The following SHOC2 variants were observed in gnomAD, a reference collection of about 807,000 sequenced individuals.
SHOC2 encodes the protein SHOC2 leucine rich repeat scaffold protein.
Under a neutral mutation model 50.2 loss-of-function variants are expected in SHOC2, and 4 were observed. The ratio of observed to expected loss-of-function variants is 0.08; its 90% CI spans 0.04 to 0.18. The LOEUF is 0.18. SHOC2 is among the 10% of genes least tolerant of loss of function. The probability of loss-of-function intolerance (pLI) is 1.00; values close to 1 mark genes in which losing one functional copy is unlikely to be tolerated. For synonymous variants in SHOC2, 218 were observed against 244.5 expected (o/e 0.89, Z 1.01); for missense variants, 388 against 669.6 (o/e 0.58, Z 4.64).
At chr10:110,952,020 G>A (rs1389640725) in intron 1 of SHOC2, among the ~76,000 whole-genome samples, 2 of 152,040 alleles carry the variant, frequency 1.3e-5, no homozygotes, top group African/African-American at 4.8e-5. Flanking sequence ...TTTTGATTTA[G>A]GACAGACTTA....
chr10:110,990,061 A>ACATAAAAG (rs1848152620), intron 3 of SHOC2, among the ~76,000 whole-genome samples: 1 of 152,270 alleles, frequency 6.6e-6, no homozygotes, highest in Non-Finnish European at 1.5e-5. Context: ...GTGGAATGTC[A>ACATAAAAG]CATAAAAGCA....
In SHOC2 at chr10:111,001,406, C is replaced by T. The variant is rs981667438; in HGVS notation, c.972+861C>T. Among the ~76,000 whole-genome samples the T allele has an allele frequency of 6.6e-5, 10 of 152,058 alleles. 1 individual carries two copies. Among genetic ancestry groups the T allele is most frequent in the Admixed American group, 2.6e-4 (4 of 15,280 alleles). ...CTGACCTCCAGTGGTCCACCCTCCT[C>T]GGCCTCCCAAAGTGCTGAAATTACA... On this transcript the variant is annotated intron_variant, in intron 4 of 8. Coordinates refer to ENST00000369452, the MANE Select transcript of SHOC2 (RefSeq NM_007373.4).
intron 2 of SHOC2, among the ~76,000 whole-genome samples, chr10:110,977,028 C>G (rs942525933): frequency 6.6e-6 from 1 of 152,084 alleles, no homozygotes; most frequent in Non-Finnish European, 1.5e-5. Flanking sequence ...TCTTACTGTT[C>G]TATACAATGA....
At chr10:110,936,159 C>T (rs1286859758) in intron 1 of SHOC2, among the ~76,000 whole-genome samples, 14 of 148,682 alleles carry the variant, frequency 9.4e-5, no homozygotes, top group East Asian at 3.9e-4. Flanking sequence ...TGCAATGGCG[C>T]GATCTCGGCT....
At chr10:110,988,593 C>G (rs1050407882) in intron 3 of SHOC2, among the ~76,000 whole-genome samples, 1 of 152,092 alleles carries the variant, frequency 6.6e-6, no homozygotes, top group African/African-American at 2.4e-5. Context: ...TTTTCTTAAT[C>G]ATTCTGGTTA....
chr10:110,944,470 T>A (rs1341835934), intron 1 of SHOC2, among the ~76,000 whole-genome samples: 1 of 152,212 alleles, frequency 6.6e-6, no homozygotes, highest in Non-Finnish European at 1.5e-5. Context: ...TATTTGCTTT[T>A]CTTCCTGTGT....
At chr10:110,922,655 C>A (rs908796933) in intron 1 of SHOC2, among the ~76,000 whole-genome samples, 2 of 151,780 alleles carry the variant, frequency 1.3e-5, no homozygotes, top group Non-Finnish European at 2.9e-5. Context: ...ATGCTTATAA[C>A]AAAATAAGAT....
chr10:110,926,677 TAG>T (rs1435677402), intron 1 of SHOC2, among the ~76,000 whole-genome samples: 1 of 152,240 alleles, frequency 6.6e-6, no homozygotes, highest in East Asian at 1.9e-4. Context: ...TAGAATAGTA[TAG>T]AAAATAATGA....
At chr10:110,999,490 C>G (rs1032822053) in intron 3 of SHOC2, among the ~76,000 whole-genome samples, 11 of 151,992 alleles carry the variant, frequency 7.2e-5, no homozygotes, top group African/African-American at 2.4e-4. Flanking sequence ...GTAATCCCAG[C>G]ACTTTGGGAG....
chr10:110,944,031 C>G (rs947751039), intron 1 of SHOC2, among the ~76,000 whole-genome samples: 33 of 152,156 alleles, frequency 2.2e-4, no homozygotes, highest in African/African-American at 7.7e-4. Flanking sequence ...CTCTTTCTTG[C>G]TCGTCTCAAA....
At chr10:110,975,241 C>T (rs1847854166) in intron 2 of SHOC2, among the ~76,000 whole-genome samples, 3 of 151,666 alleles carry the variant, frequency 2.0e-5, no homozygotes, top group East Asian at 1.9e-4. Flanking sequence ...CTGCAAGCTC[C>T]GCCTTCTGGG....
chr10:110,932,370 A>C (rs542170284), intron 1 of SHOC2, among the ~76,000 whole-genome samples: 1 of 152,192 alleles, frequency 6.6e-6, no homozygotes, highest in Non-Finnish European at 1.5e-5. Flanking sequence ...AGATCACTCT[A>C]ATTACAACAT....
At chr10:110,951,552 T>G (rs985910798) in intron 1 of SHOC2, 2 of 152,246 alleles carry the variant, frequency 1.3e-5, no homozygotes, top group Non-Finnish European at 1.5e-5. Context: ...GGTACGTATC[T>G]AGAGGAAATG....
At chr10:111,007,473 A>G (rs1848492010) in intron 5 of SHOC2, 58 bp from the exon 6 acceptor site, 3 of 1,576,054 alleles carry the variant, frequency 1.9e-6, no homozygotes, top group South Asian at 2.2e-5. Flanking sequence ...AGTGACAGGT[A>G]TATATAGAAC....
At chr10:110,930,475 AAC>A (rs759895552) in intron 1 of SHOC2, among the ~76,000 whole-genome samples, 139 of 152,296 alleles carry the variant, frequency 9.1e-4, no homozygotes, top group Non-Finnish European at 9.4e-4. Flanking sequence ...AAATTTAATT[AAC>A]AGTTTTTAGT....
At chr10:110,931,447 T>TA (rs1846894644) in intron 1 of SHOC2, among the ~76,000 whole-genome samples, 1 of 152,154 alleles carries the variant, frequency 6.6e-6, no homozygotes, top group Non-Finnish European at 1.5e-5. Context: ...TTTAAACTCT[T>TA]AAACTGCAAA....
intron 2 of SHOC2, among the ~76,000 whole-genome samples, chr10:110,984,924 A>G (rs1388182328): frequency 6.6e-6 from 1 of 152,194 alleles, no homozygotes; most frequent in Non-Finnish European, 1.5e-5. Context: ...ACACCTTCCA[A>G]AGGAGACTGA....
intron 7 of SHOC2, 140 bp downstream of exon 7, chr10:111,009,525 T>C: frequency 1.2e-6 from 1 of 861,382 alleles, no homozygotes; most frequent in Non-Finnish European, 1.8e-6. Context: ...TTTATGTTCA[T>C]ATAACCTGGC....
chr10:110,950,280 C>T (rs1590793466), intron 1 of SHOC2, among the ~76,000 whole-genome samples: 2 of 152,024 alleles, frequency 1.3e-5, no homozygotes, highest in East Asian at 3.9e-4. Flanking sequence ...AAACAATCCC[C>T]TGTACAGTAG....
Sources: gnomAD v4.1 joint callset for allele counts (sites outside exome capture counted in the v4.1 genomes callset) on GRCh38, gnomAD v4.1.1 for gene constraint, MANE v1.5 for transcripts, NCBI Gene and HGNC (gene_info 2026-07-23, HGNC 2026-07-21) for gene names.